The following PIK3C3 variants were observed in gnomAD, a reference collection of about 807,000 sequenced individuals.
PIK3C3 encodes PI3-kinase type 3.
PIK3C3 carries 95 observed loss-of-function variants against 126.1 expected under a neutral mutation model. The ratio of observed to expected loss-of-function variants is 0.75; its 90% CI spans 0.64 to 0.89. PIK3C3 has a LOEUF of 0.89. PIK3C3 is among the 40% of genes least tolerant of loss of function. PIK3C3 has a pLI of 0.00. For synonymous variants in PIK3C3, 374 were observed against 360.0 expected (o/e 1.04, Z -0.44); for missense variants, 829 against 1,063.2 (o/e 0.78, Z 3.06).
chr18:42,076,002 T>C (rs1985957150), intron 24 of PIK3C3, among the ~76,000 whole-genome samples: 1 of 148,230 alleles, frequency 6.7e-6, no homozygotes, highest in South Asian at 2.1e-4. Context: ...ATCTGTTCTC[T>C]AGTGTAGTCA....
chr18:41,976,639 G>C (rs1169717514), intron 4 of PIK3C3, among the ~76,000 whole-genome samples: 1 of 152,180 alleles, frequency 6.6e-6, no homozygotes, highest in Non-Finnish European at 1.5e-5. Context: ...AGGAATAGTA[G>C]TTATATCTGT....
chr18:42,010,563 G>A (rs553894881), intron 10 of PIK3C3, among the ~76,000 whole-genome samples: 1 of 151,926 alleles, frequency 6.6e-6, no homozygotes, highest in African/African-American at 2.4e-5. Flanking sequence ...ACAGGGTTTC[G>A]CCATGTTAGC....
intron 24 of PIK3C3, among the ~76,000 whole-genome samples, chr18:42,069,452 A>G (rs951182544): frequency 1.3e-5 from 2 of 152,214 alleles, no homozygotes; most frequent in African/African-American, 4.8e-5. Context: ...CATATTTAGT[A>G]TTTTTTAAAC....
Position 42,004,419 on chromosome 18 carries a change from GAACTTCTGGGAAAATGGAAGCC to G in PIK3C3, c.1049_1070del (p.Glu350GlyfsTer4). ...ACCTCAAGAGGCCAAACAGGCCTTG[GAACTTCTGGGAAAATGGAAGCC>G]GATGGATGTAGAGGACTCCTTGGAG... On this transcript the variant is annotated frameshift_variant, in exon 10 of 25. Transcript: ENST00000262039. LOFTEE classifies it high-confidence loss of function. The G allele has an allele frequency of 6.2e-7, 1 of 1,613,754 alleles. No homozygotes were observed. The highest frequency in any genetic ancestry group is 1.7e-4 in the Middle Eastern group (1 of 6,058).
At chr18:41,956,290 C>T (rs1479536415) in intron 1 of PIK3C3, among the ~76,000 whole-genome samples, 1 of 152,176 alleles carries the variant, frequency 6.6e-6, no homozygotes, top group East Asian at 1.9e-4. Context: ...CCCTTATTCG[C>T]TGACAAATAC....
chr18:41,955,476 G>A, intron 1 of PIK3C3, 117 bp downstream of exon 1: 1 of 880,832 alleles, frequency 1.1e-6, no homozygotes, highest in Non-Finnish European at 1.8e-6. Flanking sequence ...CCAGATTGGG[G>A]GCGGCTGTGA....
At chr18:42,056,243 A>C (rs1417501167) in intron 21 of PIK3C3, among the ~76,000 whole-genome samples, 1 of 152,162 alleles carries the variant, frequency 6.6e-6, no homozygotes, top group East Asian at 1.9e-4. Context: ...TTAACTTGTA[A>C]AGCATAATAT....
chr18:41,974,343 C>G (rs1980811963), intron 4 of PIK3C3, among the ~76,000 whole-genome samples: 1 of 152,102 alleles, frequency 6.6e-6, no homozygotes, highest in African/African-American at 2.4e-5. Context: ...TTTTAAAAGT[C>G]CAGTTCTTTC....
Position 41,962,557 on chromosome 18 carries a change from C to G in PIK3C3, c.326C>G (p.Thr109Ser), listed in dbSNP as rs1479785588. 4 of 1,613,630 alleles carry G rather than the reference C, an allele frequency of 2.5e-6. No homozygotes were observed. The African/African-American group carries it at 5.3e-5, about 22-fold the overall frequency. Residue 109 changes from threonine (T) to serine (S), a missense_variant, in exon 3 of 25, where the codon ACC becomes AGC. By Grantham distance (58) the Thr-to-Ser change is moderately conservative (BLOSUM62 1). This residue lies in a region of PIK3C3 where 313 missense variants were observed against 340.7 expected (regional missense o/e 0.92). Coordinates refer to ENST00000262039, the MANE Select transcript of PIK3C3 (RefSeq NM_002647.4). ...CCCAGGAATGCCCAAGTGGCCCTCA[C>G]CATATGGGATGTGTATGGTCCCGGA... Reference protein sequence around the residue: ...DLPRNAQVALTIWDVYGPGKA... With the variant: ...DLPRNAQVALSIWDVYGPGKA...
chr18:41,971,548 A>C (rs1980667679), intron 4 of PIK3C3: 1 of 152,010 alleles, frequency 6.6e-6, no homozygotes, highest in South Asian at 2.1e-4. Context: ...ACTCATTCTG[A>C]GATTTTGTTT....
chr18:41,963,353 G>A (rs1980192960), intron 3 of PIK3C3, among the ~76,000 whole-genome samples: 1 of 152,112 alleles, frequency 6.6e-6, no homozygotes, highest in Admixed American at 6.5e-5. Flanking sequence ...TGCAAAGGTG[G>A]TGATCGATGG....
chr18:42,076,461 A>G (rs1986037951), intron 24 of PIK3C3, among the ~76,000 whole-genome samples: 1 of 152,088 alleles, frequency 6.6e-6, no homozygotes, highest in Non-Finnish European at 1.5e-5. Context: ...TGTTAATCCA[A>G]GATAAATAGG....
At chr18:42,062,956 A>G (rs1264744917) in intron 22 of PIK3C3, among the ~76,000 whole-genome samples, 1 of 152,050 alleles carries the variant, frequency 6.6e-6, no homozygotes, top group Non-Finnish European at 1.5e-5. Context: ...TTCATCTCCA[A>G]AATATAGCCT....
chr18:41,991,404 A>G (rs927049410), intron 6 of PIK3C3, among the ~76,000 whole-genome samples: 6 of 152,256 alleles, frequency 3.9e-5, no homozygotes, highest in African/African-American at 7.2e-5. Context: ...TTGAAACCAC[A>G]TAAAGTATCT....
rs906195846 is a variant in PIK3C3 at position 42,010,032 on chromosome 18, A to G, written c.1171-3410A>G. On this transcript the variant is annotated intron_variant, in intron 10 of 24. Coordinates refer to ENST00000262039, the MANE Select transcript of PIK3C3 (RefSeq NM_002647.4). ...TTTTCACAAAAGATTTGTCTGCAGC[A>G]TGCAATGCTGCTTGTTAGCATTTTT... 2.6e-5 allele frequency among the ~76,000 whole-genome samples: 4 copies of G among 152,328 alleles called. 1 individual carries two copies. Among genetic ancestry groups the G allele is most frequent in the Non-Finnish European group, 2.9e-5 (2 of 68,016 alleles).
At chr18:41,963,063 C>T (rs1216420843) in intron 3 of PIK3C3, among the ~76,000 whole-genome samples, 4 of 151,852 alleles carry the variant, frequency 2.6e-5, no homozygotes, top group African/African-American at 9.7e-5. Context: ...GTTTTTGAAA[C>T]ATTTGCAAAT....
intron 13 of PIK3C3, chr18:42,025,678 A>G (rs1179256606): frequency 6.6e-6 from 1 of 152,238 alleles, no homozygotes; most frequent in East Asian, 1.9e-4. Flanking sequence ...TAGAAATGAC[A>G]AACAGTGTCT....
chr18:42,075,436 A>G (rs1007165503), intron 24 of PIK3C3, among the ~76,000 whole-genome samples: 1 of 151,962 alleles, frequency 6.6e-6, no homozygotes, highest in African/African-American at 2.4e-5. Flanking sequence ...ATTTATTTGA[A>G]TTTTTCTTGG....
intron 11 of PIK3C3, 127 bp from the exon 12 acceptor site, chr18:42,015,349 A>G: frequency 1.5e-6 from 1 of 688,588 alleles, no homozygotes; most frequent in Non-Finnish European, 2.5e-6. Context: ...AGTGTTGCAC[A>G]GAACACACTT....
Sources: gnomAD v4.1 joint callset for allele counts (sites outside exome capture counted in the v4.1 genomes callset) on GRCh38, gnomAD v4.1.1 for gene constraint, gnomAD v4.1.1 regional missense constraint, MANE v1.5 for transcripts, NCBI Gene and HGNC (gene_info 2026-07-23, HGNC 2026-07-21) for gene names.